INSRR: variants seen among roughly 807,000 people sequenced by gnomAD.
INSRR encodes insulin receptor related receptor.
Under a neutral mutation model 130.0 loss-of-function variants are expected in INSRR, and 114 were observed. The observed-to-expected ratio is 0.88, with a 90% confidence interval of 0.75 to 1.02. The LOEUF is 1.02. Ranked by LOEUF, INSRR falls within the 50% of genes least tolerant of loss-of-function variation. The pLI is 0.00. For missense variants in INSRR, 1,657 were observed against 1,735.2 expected, an observed-to-expected ratio of 0.95 and a Z score of 0.80; for synonymous variants, 674 against 705.2, an observed-to-expected ratio of 0.96 and a Z score of 0.70.
At chr1:156,844,881 G>A (rs772436796) in intron 12 of INSRR, 38 bp from the exon 13 acceptor site, 7 of 1,611,962 alleles carry the variant, frequency 4.3e-6, no homozygotes, top group African/African-American at 1.3e-5. Context: ...GCCAAAAGTG[G>A]TTCATCTCAC....
chr1:156,851,075 G>C, intron 5 of INSRR: 2 of 633,542 alleles, frequency 3.2e-6, no homozygotes, highest in Non-Finnish European at 5.7e-6. Context: ...ATAACAACTT[G>C]AGTAATATTC....
chr1:156,848,928 T>A lies in INSRR; in HGVS notation c.1564A>T (p.Lys522Ter). The change falls in exon 7 of 22, where the codon AAG becomes TAG. Residue 522 changes from lysine (K) to a stop codon, truncating the protein, a stop_gained. Coordinates refer to ENST00000368195, the MANE Select transcript of INSRR (RefSeq NM_014215.3). LOFTEE classifies it high-confidence loss of function. ...CCCGCCCCCGGCACTCACGACTCCT[T>A]GTAGTACACGATGAAGCTGAGCAGG... is the stretch of plus-strand genomic sequence containing the variant. ...RDLLSFIVYY[K>*]ESPFQNATEH... is the part of the protein sequence containing the mutation. 1 of 1,575,442 alleles carries A rather than the reference T, an allele frequency of 6.3e-7. No individual in the cohort carries two copies. Among genetic ancestry groups the A allele is most frequent in the South Asian group, 1.2e-5 (1 of 86,146 alleles).
rs1445710160 is a variant in INSRR at position 156,853,893 on chromosome 1, G to C, written c.496C>G (p.His166Asp). 3 of 1,614,184 alleles carry C rather than the reference G, an allele frequency of 1.9e-6. No homozygotes were observed. In the Admixed American group the frequency reaches 5.0e-5, roughly 27 times the overall value. ...GLLQPAPGAN[H>D]IVGNKLGEEC... ...TCGCCCAGCTTGTTGCCCACGATGT[G>C]GTTGGCGCCAGGTGCTGGCTGCAGC... The change falls in exon 2 of 22, where the codon CAC becomes GAC. Residue 166 changes from histidine (H) to aspartate (D), a missense_variant. Physicochemically the swap from His to Asp is moderately conservative, Grantham distance 81. Transcript: ENST00000368195.
At position 156,853,875 on chromosome 1, in the gene INSRR, G is replaced by T; in HGVS notation, c.514C>A (p.Leu172Met). The change falls in exon 2 of 22, where the codon CTG (leucine) becomes ATG (methionine). Residue 172 changes from leucine to methionine, a missense_variant. Leu to Met is a conservative substitution (Grantham distance 15, BLOSUM62 2). Transcript: ENST00000368195. ...PGANHIVGNK[L>M]GEECADVCPG... ...CACACGTCAGCACACTCCTCGCCCA[G>T]CTTGTTGCCCACGATGTGGTTGGCG... is the stretch of plus-strand genomic sequence containing the variant. The T allele has an allele frequency of 6.2e-7, 1 of 1,614,120 alleles. No individual in the cohort carries two copies.
chr1:156,849,229 T>A lies in INSRR; in HGVS notation c.1444+17A>T. ...TGTGTGGCCGCGTGTCCACCGGCACTGGGGTTGGGGTCTCACAGGCGGCGC... is the reference window on the plus strand; with the variant it reads ...TGTGTGGCCGCGTGTCCACCGGCACAGGGGTTGGGGTCTCACAGGCGGCGC... On this transcript the variant is annotated intron_variant, in intron 6 of 21. Transcript: ENST00000368195. The A allele has an allele frequency of 1.9e-6, 3 of 1,612,646 alleles. No individual in the cohort carries two copies. The highest frequency in any genetic ancestry group is 2.5e-6 in the Non-Finnish European group (3 of 1,179,638).
rs1418296938 is a variant in INSRR, at chr1:156,854,301, A to G, written c.88T>C (p.Cys30Arg). The part of the protein sequence containing the change: ...LGFGLDTVEV[C>R]PSLDIRSEVA... Reference sequence around the variant, plus strand: ...TCTGAGCGAATATCCAGGCTGGGGCACACTGTGGGCATACACGGCACGCAG... The same window carrying G: ...TCTGAGCGAATATCCAGGCTGGGGCGCACTGTGGGCATACACGGCACGCAG... The change falls in exon 2 of 22, where the codon TGC becomes CGC. Residue 30 changes from cysteine to arginine, a missense_variant and splice_region_variant. Physicochemically the swap from Cys to Arg is radical, Grantham distance 180. Coordinates refer to ENST00000368195, the MANE Select transcript of INSRR (RefSeq NM_014215.3). This position sits in a 1 kb window ranked among gnomAD's most constrained non-coding sequence, Gnocchi z 4.2. 1.2e-6 allele frequency: 2 copies of G among 1,608,252 alleles called. No homozygotes were observed. The highest frequency in any genetic ancestry group is 2.7e-5 in the African/African-American group (2 of 74,894).
At chr1:156,857,868 T>C (rs1655464742) in intron 1 of INSRR, among the ~76,000 whole-genome samples, 1 of 152,170 alleles carries the variant, frequency 6.6e-6, no homozygotes, top group African/African-American at 2.4e-5. Flanking sequence ...TTTTCCTCTT[T>C]CCACCAATCC....
Position 156,851,654 on chromosome 1 carries a change from C to A in INSRR, c.1076G>T (p.Arg359Leu). 1 of 1,614,118 alleles carries A rather than the reference C, an allele frequency of 6.2e-7. No individual in the cohort carries two copies. The highest frequency in any genetic ancestry group is 8.5e-7 in the Non-Finnish European group (1 of 1,179,998). Residue 359 changes from arginine to leucine, a missense_variant, in exon 4 of 22, where the codon CGC (arginine) becomes CTC (leucine). Coordinates refer to ENST00000368195, the MANE Select transcript of INSRR (RefSeq NM_014215.3). The stretch of plus-strand genomic sequence containing the variant: ...CCAAAGTAGGTACTGACAGCCCTGG[C>A]GAAGGTTGAGGATGAGGCTTCCCTC... ...HVEGSLILNL[R>L]QGYNLEPQLQ...
chr1:156,854,342 A>G lies in INSRR; in HGVS notation c.86-39T>C, dbSNP rs1655338552. On this transcript the variant is annotated intron_variant, in intron 1 of 21. Transcript: ENST00000368195. The surrounding 1 kb of genome is among the most constrained non-coding windows in gnomAD (Gnocchi z 4.2). ...CGGCACGCAGCATTGAGTACAGCCCAGGCCAAATTCCCCATCCAGCCCTGG... is the reference window on the plus strand; with the variant it reads ...CGGCACGCAGCATTGAGTACAGCCCGGGCCAAATTCCCCATCCAGCCCTGG... 6.4e-7 allele frequency: 1 copy of G among 1,550,450 alleles called. No homozygotes were observed. The highest frequency in any genetic ancestry group is 1.4e-5 in the African/African-American group (1 of 74,032).
At position 156,848,941 on chromosome 1, in the gene INSRR, G is replaced by A. The variant is rs1235870421; in HGVS notation, c.1551C>T (p.Phe517=). 7 of 1,587,426 alleles carry A rather than the reference G, an allele frequency of 4.4e-6. No individual in the cohort carries two copies. Among genetic ancestry groups the A allele is most frequent in the Non-Finnish European group, 6.0e-6 (7 of 1,167,048 alleles). ...EPLEARDLLS[F]IVYYKESPFQ... ...CTCACGACTCCTTGTAGTACACGAT[G>A]AAGCTGAGCAGGTCGCGGGCCTCCA... Residue 517 remains phenylalanine, a synonymous_variant, in exon 7 of 22, where the codon TTC becomes TTT. Transcript: ENST00000368195.
chr1:156,844,460 A>T lies in INSRR; in HGVS notation c.2737+2T>A. The T allele has an allele frequency of 6.2e-7, 1 of 1,613,056 alleles. No homozygotes were observed. Among genetic ancestry groups the T allele is most frequent in the Non-Finnish European group, 8.5e-7 (1 of 1,179,490 alleles). ...CAGGTCTGTGACAGAGGCTGTGTAT[A>T]CCTGGGCCAAGGATGTAGAAGGCAA... is the stretch of plus-strand genomic sequence containing the variant. On this transcript the variant is annotated splice_donor_variant, in intron 14 of 21. Transcript: ENST00000368195. LOFTEE classifies it high-confidence loss of function.
Position 156,844,201 on chromosome 1 carries a change from G to A in INSRR, c.2817C>T (p.Ala939=), listed in dbSNP as rs2102856215. 1 of 1,613,886 alleles carries A rather than the reference G, an allele frequency of 6.2e-7. No homozygotes were observed. The highest frequency in any genetic ancestry group is 8.5e-7 in the Non-Finnish European group (1 of 1,179,922). The change falls in exon 15 of 22, where the codon GCC becomes GCT. Residue 939 remains alanine (A), a synonymous_variant. Coordinates refer to ENST00000368195, the MANE Select transcript of INSRR (RefSeq NM_014215.3). The part of the protein sequence containing the change: ...VGLTLLIVLA[A]LGFFYGKKRN... ...TCTTCTTGCCGTAGAAGAAACCAAG[G>A]GCAGCAAGAACGATGAGCAGCGTGA...
At chr1:156,845,533 A>T (rs1054886608) in intron 10 of INSRR, 86 bp downstream of exon 10, 8 of 728,646 alleles carry the variant, frequency 1.1e-5, no homozygotes, top group Non-Finnish European at 1.3e-5. Context: ...GCAAGGCCCC[A>T]CCCACAAACC....
rs776355999 is a variant in INSRR at position 156,843,102 on chromosome 1, C to G, written c.3028G>C (p.Val1010Leu). ...GLEAGEESTPVALKTVNELAS... is the reference protein window; with the variant it reads ...GLEAGEESTPLALKTVNELAS... ...AGCTCATTCACCGTCTTCAGGGCCACGGGTGTGGACTCCTCTCCAGCCTCA... is the reference window on the plus strand; with the variant it reads ...AGCTCATTCACCGTCTTCAGGGCCAGGGGTGTGGACTCCTCTCCAGCCTCA... Residue 1010 changes from valine (V) to leucine (L), a missense_variant, in exon 17 of 22, where the codon GTG becomes CTG. Physicochemically the swap from Val to Leu is conservative, Grantham distance 32. Transcript: ENST00000368195. 18 of 1,614,056 alleles carry G rather than the reference C, an allele frequency of 1.1e-5. No individual in the cohort carries two copies. The highest frequency in any genetic ancestry group is 3.3e-5 in the Admixed American group (2 of 60,004).
chr1:156,849,400 G>A lies in INSRR; in HGVS notation c.1290C>T (p.Ala430=). 1.9e-6 allele frequency: 3 copies of A among 1,613,854 alleles called. No homozygotes were observed. Among genetic ancestry groups the A allele is most frequent in the Non-Finnish European group, 1.7e-6 (2 of 1,179,986 alleles). ...TGCCCACGGGAATGGTGAGCCCCGCGGCCACCCAGGACCCTAGCTGTTGTA... is the reference window on the plus strand; with the variant it reads ...TGCCCACGGGAATGGTGAGCCCCGCAGCCACCCAGGACCCTAGCTGTTGTA... ...QNLQQLGSWV[A]AGLTIPVGKI... is the part of the protein sequence containing the mutation. The change falls in exon 6 of 22, where the codon GCC becomes GCT. Residue 430 remains alanine, a synonymous_variant. Coordinates refer to ENST00000368195, the MANE Select transcript of INSRR (RefSeq NM_014215.3).
chr1:156,857,433 C>T (rs1490525364), intron 1 of INSRR, among the ~76,000 whole-genome samples: 1 of 152,188 alleles, frequency 6.6e-6, no homozygotes, highest in Non-Finnish European at 1.5e-5. Flanking sequence ...CCCTGCCTTC[C>T]CTCAGGACCT....
intron 8 of INSRR, 150 bp from the exon 9 acceptor site, chr1:156,846,269 G>T: frequency 1.1e-6 from 1 of 897,224 alleles, no homozygotes; most frequent in Non-Finnish European, 1.6e-6. Context: ...TCAGTGTTTT[G>T]TTTCTGTCCT....
chr1:156,857,011 C>T (rs1655427222), intron 1 of INSRR, among the ~76,000 whole-genome samples: 1 of 152,270 alleles, frequency 6.6e-6, no homozygotes, highest in African/African-American at 2.4e-5. Context: ...TTATCACAAA[C>T]ACCACATGCC....
chr1:156,851,522 T>C, intron 4 of INSRR, 88 bp from the exon 5 acceptor site: 1 of 1,600,008 alleles, frequency 6.2e-7, no homozygotes, highest in Non-Finnish European at 8.6e-7. Context: ...CCCGGGAAGG[T>C]GGGCCCTCAG....
Sources: allele counts gnomAD v4.1 joint callset (sites outside exome capture counted in the v4.1 genomes callset), GRCh38; gene constraint gnomAD v4.1.1; non-coding constraint Gnocchi (gnomAD v3.1); transcripts MANE v1.5; gene names NCBI Gene and HGNC (gene_info 2026-07-23, HGNC 2026-07-21).